The following RSRC1 variants were observed in gnomAD, a reference collection of about 807,000 sequenced individuals.
The protein encoded by RSRC1 is serine/Arginine-related protein 53.
A neutral mutation model predicts 49.1 loss-of-function variants in RSRC1; 39 were observed. That is an observed-to-expected ratio of 0.79 (90% CI 0.61 to 1.04). The LOEUF is 1.04. Among genes scored for constraint, RSRC1 ranks in the 50% least tolerant of loss-of-function variants. The pLI is 0.00. For synonymous variants in RSRC1, 143 were observed against 130.8 expected (o/e 1.09, Z -0.63); for missense variants, 388 against 402.4 (o/e 0.96, Z 0.31).
chr3:158,483,650 G>A (rs1293908715), intron 7 of RSRC1, among the ~76,000 whole-genome samples: 1 of 151,974 alleles, frequency 6.6e-6, no homozygotes, highest in Non-Finnish European at 1.5e-5. Flanking sequence ...AAATAAAAAT[G>A]TTTATAGGTA....
chr3:158,520,070 T>C (rs1226108179), intron 7 of RSRC1, among the ~76,000 whole-genome samples: 1 of 152,202 alleles, frequency 6.6e-6, no homozygotes, highest in Non-Finnish European at 1.5e-5. Context: ...AGAATCCTTC[T>C]ATTAAGGTCA....
At chr3:158,521,929 A>T (rs1180804861) in intron 7 of RSRC1, among the ~76,000 whole-genome samples, 1 of 152,076 alleles carries the variant, frequency 6.6e-6, no homozygotes, top group African/African-American at 2.4e-5. Flanking sequence ...AATCTAGCAA[A>T]TGTGGGGACT....
chr3:158,424,010 G>C (rs1161813429), intron 6 of RSRC1, among the ~76,000 whole-genome samples: 1 of 150,450 alleles, frequency 6.6e-6, no homozygotes, highest in African/African-American at 2.4e-5. Context: ...CAATCATGTC[G>C]TCTGCAAACA....
intron 3 of RSRC1, among the ~76,000 whole-genome samples, chr3:158,148,249 A>G (rs1559919059): frequency 6.6e-6 from 1 of 152,124 alleles, no homozygotes; most frequent in African/African-American, 2.4e-5. Context: ...GTAAACATGT[A>G]TCAATAATTG....
At chr3:158,275,567 T>A (rs1725758811) in intron 4 of RSRC1, among the ~76,000 whole-genome samples, 1 of 152,216 alleles carries the variant, frequency 6.6e-6, no homozygotes, top group Non-Finnish European at 1.5e-5. Context: ...TACTACACAG[T>A]ATGTCTTATA....
intron 7 of RSRC1, among the ~76,000 whole-genome samples, chr3:158,467,474 T>C (rs1334871181): frequency 6.6e-6 from 1 of 152,220 alleles, no homozygotes; most frequent in Non-Finnish European, 1.5e-5. Flanking sequence ...ATAGTGCGTA[T>C]GAAACCATTT....
chr3:158,462,690 CTT>C (rs1003990190), intron 7 of RSRC1, among the ~76,000 whole-genome samples: 7 of 151,994 alleles, frequency 4.6e-5, no homozygotes, highest in South Asian at 2.1e-4. Context: ...CTACAGCTCT[CTT>C]GTTTTCATTA....
intron 6 of RSRC1, among the ~76,000 whole-genome samples, chr3:158,372,172 G>A (rs1732116328): frequency 6.6e-6 from 1 of 151,794 alleles, no homozygotes; most frequent in African/African-American, 2.4e-5. Context: ...TAATCATGAT[G>A]AAGTCTAATT....
At chr3:158,316,940 A>G (rs926148475) in intron 5 of RSRC1, among the ~76,000 whole-genome samples, 2 of 152,208 alleles carry the variant, frequency 1.3e-5, no homozygotes, top group African/African-American at 4.8e-5. Flanking sequence ...TATTTAGTGC[A>G]AATACCTTAG....
intron 6 of RSRC1, among the ~76,000 whole-genome samples, chr3:158,355,332 A>T (rs1394948854): frequency 6.6e-6 from 1 of 151,654 alleles, no homozygotes; most frequent in Admixed American, 6.6e-5. Context: ...AAAACCATAA[A>T]ACTTTATATT....
At chr3:158,312,853 C>G (rs1403103665) in intron 5 of RSRC1, among the ~76,000 whole-genome samples, 2 of 152,136 alleles carry the variant, frequency 1.3e-5, no homozygotes, top group Admixed American at 1.3e-4. Flanking sequence ...GCCTGGACTA[C>G]CCACAACAGC....
chr3:158,148,577 C>T (rs992147392), intron 3 of RSRC1, among the ~76,000 whole-genome samples: 4 of 151,928 alleles, frequency 2.6e-5, no homozygotes, highest in Admixed American at 2.0e-4. Flanking sequence ...AACTACTTTG[C>T]CAAGTTTTGA....
At chr3:158,450,034 T>A (rs990874316) in intron 6 of RSRC1, among the ~76,000 whole-genome samples, 1 of 151,990 alleles carries the variant, frequency 6.6e-6, no homozygotes, top group Non-Finnish European at 1.5e-5. Context: ...ACCATATTCC[T>A]TTCCTTAATT....
At chr3:158,285,789 T>G (rs1282653492) in intron 4 of RSRC1, among the ~76,000 whole-genome samples, 1 of 152,336 alleles carries the variant, frequency 6.6e-6, no homozygotes, top group East Asian at 1.9e-4. Flanking sequence ...AAGGATATTT[T>G]GGGCTGAGAC....
intron 6 of RSRC1, among the ~76,000 whole-genome samples, chr3:158,434,387 G>T (rs1057007032): frequency 6.6e-6 from 1 of 151,410 alleles, no homozygotes; most frequent in Non-Finnish European, 1.5e-5. Context: ...AATATCCAGT[G>T]AAAAAAAATG....
At chr3:158,385,403 A>G (rs993296233) in intron 6 of RSRC1, among the ~76,000 whole-genome samples, 5 of 152,208 alleles carry the variant, frequency 3.3e-5, no homozygotes, top group African/African-American at 9.6e-5. Context: ...TAAAAAGTGC[A>G]CTGGAAACAC....
At chr3:158,499,044 G>C (rs1739473354) in intron 7 of RSRC1, among the ~76,000 whole-genome samples, 1 of 152,058 alleles carries the variant, frequency 6.6e-6, no homozygotes, top group Admixed American at 6.5e-5. Flanking sequence ...TCTTGCATTG[G>C]CTATGCAGGC....
At chr3:158,354,255 C>T (rs558149568) in intron 5 of RSRC1, among the ~76,000 whole-genome samples, 6 of 152,222 alleles carry the variant, frequency 3.9e-5, no homozygotes, top group African/African-American at 1.4e-4. Context: ...TCCCAAAGTG[C>T]TGGGATTACG....
chr3:158,262,915 T>A (rs6765159), intron 4 of RSRC1, among the ~76,000 whole-genome samples: 2,573 of 152,240 alleles, frequency 0.017, 67 homozygotes, highest in African/African-American at 0.059. Flanking sequence ...TCTCATTAAA[T>A]TCACTTATAC....
Sources: gnomAD v4.1 joint callset for allele counts (sites outside exome capture counted in the v4.1 genomes callset) on GRCh38, gnomAD v4.1.1 for gene constraint, MANE v1.5 for transcripts, NCBI Gene and HGNC (gene_info 2026-07-23, HGNC 2026-07-21) for gene names.